The following PTPRD variants were observed in gnomAD, a reference collection of about 807,000 sequenced individuals.
The protein encoded by PTPRD is receptor-type tyrosine-protein phosphatase delta.
A neutral mutation model predicts 214.5 loss-of-function variants in PTPRD; 34 were observed. The observed-to-expected ratio is 0.16, with a 90% CI of 0.12 to 0.21. The LOEUF is 0.21. Ranked by LOEUF, PTPRD falls within the 10% of genes least tolerant of loss-of-function variation. The pLI is 1.00. For missense variants in PTPRD, 2,545 were observed against 2,398.7 expected, an observed-to-expected ratio of 1.06 and a Z score of -1.27; for synonymous variants, 1,128 against 845.7, an observed-to-expected ratio of 1.33 and a Z score of -5.79.
intron 2 of PTPRD, among the ~76,000 whole-genome samples, chr9:10,385,537 T>C (rs2097899646): frequency 6.6e-6 from 1 of 151,778 alleles, no homozygotes; most frequent in African/African-American, 2.4e-5. Flanking sequence ...GCTCCAAGTG[T>C]GAGTATATTC....
At chr9:9,434,101 G>A (rs949308252) in intron 8 of PTPRD, among the ~76,000 whole-genome samples, 2 of 152,066 alleles carry the variant, frequency 1.3e-5, no homozygotes, top group Admixed American at 1.3e-4. Flanking sequence ...CACACTTTCT[G>A]GAATGTGATC....
At chr9:10,287,000 A>T (rs1211567921) in intron 3 of PTPRD, among the ~76,000 whole-genome samples, 9 of 152,196 alleles carry the variant, frequency 5.9e-5, no homozygotes, top group Non-Finnish European at 1.2e-4. Context: ...TTGAAAATGC[A>T]AAAGTAAAGT....
chr9:10,447,955 T>C (rs973064639), intron 2 of PTPRD, among the ~76,000 whole-genome samples: 14 of 152,046 alleles, frequency 9.2e-5, no homozygotes, highest in African/African-American at 3.1e-4. Flanking sequence ...TCTAACAGTT[T>C]GACACTGGCA....
intron 11 of PTPRD, among the ~76,000 whole-genome samples, chr9:8,888,386 C>T (rs1290296365): frequency 3.3e-5 from 5 of 152,120 alleles, no homozygotes. Flanking sequence ...TATACCTTCA[C>T]CCAATGGTTT....
chr9:10,083,006 T>C (rs906759948), intron 3 of PTPRD, among the ~76,000 whole-genome samples: 6 of 151,976 alleles, frequency 3.9e-5, no homozygotes, highest in African/African-American at 1.2e-4. Flanking sequence ...CATTAAAGAC[T>C]TTCTCCCTCT....
chr9:10,267,686 T>G (rs1453972540), intron 3 of PTPRD, among the ~76,000 whole-genome samples: 1 of 152,210 alleles, frequency 6.6e-6, no homozygotes, highest in Non-Finnish European at 1.5e-5. Context: ...CTTATGCATT[T>G]GATCAGACTC....
At chr9:9,381,707 TG>T (rs1302085831) in intron 9 of PTPRD, among the ~76,000 whole-genome samples, 9 of 88,438 alleles carry the variant, frequency 1.0e-4, no homozygotes, top group African/African-American at 3.6e-4. Context: ...TTTTGTTTTT[TG>T]TTTTTGTTTT....
intron 34 of PTPRD, among the ~76,000 whole-genome samples, chr9:8,437,707 A>G (rs1467425355): frequency 2.0e-5 from 3 of 152,148 alleles, no homozygotes; most frequent in African/African-American, 4.8e-5. Flanking sequence ...CACTAATGAG[A>G]AATGGATTCA....
At chr9:8,398,544 A>G (rs1020175528) in intron 36 of PTPRD, among the ~76,000 whole-genome samples, 4 of 152,314 alleles carry the variant, frequency 2.6e-5, no homozygotes, top group South Asian at 4.2e-4. Flanking sequence ...CCGTAAATTC[A>G]TATGTTAAAC....
intron 30 of PTPRD, among the ~76,000 whole-genome samples, chr9:8,479,425 G>T (rs1359048461): frequency 1.3e-5 from 2 of 152,068 alleles, no homozygotes; most frequent in African/African-American, 4.8e-5. Context: ...AAAATAGTTT[G>T]CTTTCTTTTT....
intron 4 of PTPRD, among the ~76,000 whole-genome samples, chr9:9,970,977 C>A (rs1455012834): frequency 6.6e-6 from 1 of 151,990 alleles, no homozygotes; most frequent in Non-Finnish European, 1.5e-5. Flanking sequence ...AATGAAATAT[C>A]CTTTTAAATA....
At chr9:8,968,069 A>G (rs554969076) in intron 11 of PTPRD, among the ~76,000 whole-genome samples, 1 of 151,786 alleles carries the variant, frequency 6.6e-6, no homozygotes, top group Admixed American at 6.6e-5. Flanking sequence ...CCATGTCCCT[A>G]CAAAGGACAT....
At chr9:9,928,394 C>G (rs962543583) in intron 5 of PTPRD, among the ~76,000 whole-genome samples, 1 of 152,080 alleles carries the variant, frequency 6.6e-6, no homozygotes, top group Non-Finnish European at 1.5e-5. Context: ...ACTGAATTCC[C>G]TTTGTTATCA....
intron 14 of PTPRD, among the ~76,000 whole-genome samples, chr9:8,579,173 C>A (rs2092787220): frequency 1.3e-5 from 2 of 152,160 alleles, no homozygotes. Flanking sequence ...AGAAACAACA[C>A]AACATTTTCT....
At chr9:8,380,549 C>T (rs1232296375) in intron 37 of PTPRD, among the ~76,000 whole-genome samples, 1 of 152,130 alleles carries the variant, frequency 6.6e-6, no homozygotes, top group Non-Finnish European at 1.5e-5. Flanking sequence ...TTAAGTGGAG[C>T]TTTCATTTTT....
At chr9:8,687,780 T>C (rs1220583163) in intron 12 of PTPRD, among the ~76,000 whole-genome samples, 1 of 151,698 alleles carries the variant, frequency 6.6e-6, no homozygotes, top group African/African-American at 2.4e-5. Context: ...TTTCTCAGAG[T>C]AAGTTTCACA....
intron 2 of PTPRD, among the ~76,000 whole-genome samples, chr9:10,593,440 A>G (rs1399116831): frequency 1.3e-5 from 2 of 152,090 alleles, no homozygotes; most frequent in African/African-American, 4.8e-5. Flanking sequence ...AAAAGGTGGG[A>G]ACTCAGTCAT....
intron 11 of PTPRD, among the ~76,000 whole-genome samples, chr9:8,862,932 G>C (rs1257253690): frequency 6.6e-6 from 1 of 152,182 alleles, no homozygotes; most frequent in African/African-American, 2.4e-5. Flanking sequence ...GGTGGTGGGG[G>C]GGAGGGAGAG....
intron 37 of PTPRD, among the ~76,000 whole-genome samples, chr9:8,385,525 C>T (rs951226492): frequency 6.6e-6 from 1 of 152,042 alleles, no homozygotes; most frequent in African/African-American, 2.4e-5. Flanking sequence ...AAAAGAAAAA[C>T]AAAAACGAGT....
Sources: gnomAD v4.1 joint callset for allele counts (sites outside exome capture counted in the v4.1 genomes callset) on GRCh38, gnomAD v4.1.1 for gene constraint, MANE v1.5 for transcripts, NCBI Gene and HGNC (gene_info 2026-07-23, HGNC 2026-07-21) for gene names.